U2AF1L4: variants seen among roughly 807,000 people sequenced by gnomAD.
U2AF1L4 encodes the protein U2 small nuclear RNA auxiliary factor 1 like 4.
In U2AF1L4, 21 loss-of-function variants were observed where a neutral mutation model predicts 21.7. That is an observed-to-expected ratio of 0.97 (90% confidence interval 0.69 to 1.39). The LOEUF is 1.39. Among genes scored for constraint, U2AF1L4 ranks in the 40% most tolerant of loss-of-function variants. The pLI, the probability that U2AF1L4 is intolerant of heterozygous loss-of-function variation, is 0.00. For synonymous variants in U2AF1L4, 92 were observed against 89.7 expected, an observed-to-expected ratio of 1.03 and a Z score of -0.15; for missense variants, 259 against 245.7, an observed-to-expected ratio of 1.05 and a Z score of -0.36.
At chr19:35,744,611 T>C in intron 2 of U2AF1L4, 190 bp from the exon 3 acceptor site, 9 of 1,537,494 alleles carry the variant, frequency 5.9e-6, no homozygotes, top group Non-Finnish European at 7.8e-6. Flanking sequence ...CCCCCAGGCC[T>C]GGTCCCTTAC....
intron 2 of U2AF1L4, 26 bp downstream of exon 2, chr19:35,745,099 C>T (rs2293687): frequency 6.2e-7 from 1 of 1,607,198 alleles, no homozygotes; most frequent in African/African-American, 1.3e-5. Flanking sequence ...AGCCGTTAAC[C>T]CCCGAGGCTC....
intron 1 of U2AF1L4, 26 bp downstream of exon 1, chr19:35,745,322 A>G (rs1326809891): frequency 1.7e-5 from 27 of 1,550,612 alleles, no homozygotes; most frequent in Non-Finnish European, 2.0e-5. Flanking sequence ...ACCCCCCGAG[A>G]GTCCACTCCC....
At position 35,744,333 on chromosome 19, in the gene U2AF1L4, A is replaced by G. The variant is rs1340718507; in HGVS notation, c.221T>C (p.Val74Ala). Residue 74 changes from valine (V) to alanine (A), a missense_variant, in exon 3 of 6, where the codon GTC (valine) becomes GCC (alanine). By Grantham distance (64) the Val-to-Ala change is moderately conservative (BLOSUM62 0). Transcript: ENST00000378975. ...DNLGDHLVGN[V>A]YVKFRREEDG... Reference sequence around the variant, plus strand: ...GGGGGCAGCAAGCACCTTGACATAGACGTTGCCCACGAGGTGGTCCCCAAG... The same window carrying G: ...GGGGGCAGCAAGCACCTTGACATAGGCGTTGCCCACGAGGTGGTCCCCAAG... 1.2e-6 allele frequency: 2 copies of G among 1,613,924 alleles called. No individual in the cohort carries two copies. The highest frequency in any genetic ancestry group is 1.7e-6 in the Non-Finnish European group (2 of 1,180,014).
chr19:35,744,144 A>G lies in U2AF1L4; in HGVS notation c.233T>C (p.Phe78Ser), dbSNP rs1253751357. The change falls in exon 4 of 6, where the codon TTC (phenylalanine) becomes TCC (serine). Residue 78 changes from phenylalanine (F) to serine (S), a missense_variant and splice_region_variant. Physicochemically the swap from Phe to Ser is radical, Grantham distance 155. Coordinates refer to ENST00000378975, the MANE Select transcript of U2AF1L4 (RefSeq NM_001040425.3). ...DHLVGNVYVK[F>S]RREEDGERAV... ...CCGCTCTCCATCCTCCTCCCTCCGGAACTGCAGGAAATGTCAGTCAGGGTC... is the reference window on the plus strand; with the variant it reads ...CCGCTCTCCATCCTCCTCCCTCCGGGACTGCAGGAAATGTCAGTCAGGGTC... 1 of 1,613,550 alleles carries G rather than the reference A, an allele frequency of 6.2e-7. No individual in the cohort carries two copies. The highest frequency in any genetic ancestry group is 1.7e-5 in the Admixed American group (1 of 59,994).
At chr19:35,743,787 T>C (rs747229667) in intron 5 of U2AF1L4, 22 bp downstream of exon 5, 3 of 1,595,266 alleles carry the variant, frequency 1.9e-6, no homozygotes, top group Non-Finnish European at 2.6e-6. Flanking sequence ...TGAGGAGACA[T>C]AGCAGGCTGG....
intron 5 of U2AF1L4, 162 bp from the exon 6 acceptor site, chr19:35,742,965 G>A: frequency 1.4e-6 from 1 of 704,804 alleles, no homozygotes; most frequent in South Asian, 1.7e-5. Context: ...TCAGTGGCCA[G>A]TATCAGGGGT....
chr19:35,744,027 C>A lies in U2AF1L4; in HGVS notation c.350G>T (p.Arg117Leu), dbSNP rs746648207. 1 of 1,613,888 alleles carries A rather than the reference C, an allele frequency of 6.2e-7. No homozygotes were observed. Among genetic ancestry groups the A allele is most frequent in the Admixed American group, 1.7e-5 (1 of 60,022 alleles). ...PVTDFRESCC[R>L]QYEMGECTRG... Reference sequence around the variant, plus strand: ...ACTACCATACCCCATCTCATACTGGCGACAGCATGACTCCCGGAAGTCAGT... The same window carrying A: ...ACTACCATACCCCATCTCATACTGGAGACAGCATGACTCCCGGAAGTCAGT... Residue 117 changes from arginine to leucine, a missense_variant, in exon 4 of 6, where the codon CGC becomes CTC. Transcript: ENST00000378975.
intron 2 of U2AF1L4, chr19:35,744,696 C>T (rs952763911): frequency 6.5e-7 from 1 of 1,536,068 alleles, no homozygotes; most frequent in Admixed American, 2.0e-5. Flanking sequence ...CTATGGTCTG[C>T]ACAGAATTTA....
chr19:35,743,154 C>T (rs1403065354), intron 5 of U2AF1L4: 1 of 327,764 alleles, frequency 3.1e-6, no homozygotes, highest in African/African-American at 2.3e-5. Flanking sequence ...GGGTGGATTA[C>T]CTGAGGTCCG....
rs1266469651 is a variant in U2AF1L4 at position 35,744,071 on chromosome 19, G to A, written c.306C>T (p.His102=). 5.0e-6 allele frequency: 8 copies of A among 1,614,012 alleles called. No homozygotes were observed. The South Asian group carries it at 6.6e-5, about 13-fold the overall frequency. Reference sequence around the variant, plus strand: ...AGTCAGTGACAGGAGACAGCTCACCGTGCACAGCCTGCCCGTTGAACCAGC... The same window carrying A: ...AGTCAGTGACAGGAGACAGCTCACCATGCACAGCCTGCCCGTTGAACCAGC... ...SNRWFNGQAV[H]GELSPVTDFR... is the part of the protein sequence containing the mutation. The change falls in exon 4 of 6, where the codon CAC becomes CAT. Residue 102 remains histidine, a synonymous_variant. Coordinates refer to ENST00000378975, the MANE Select transcript of U2AF1L4 (RefSeq NM_001040425.3).
At chr19:35,743,106 TTCACGC>T in intron 5 of U2AF1L4, 1 of 433,786 alleles carries the variant, frequency 2.3e-6, no homozygotes, top group South Asian at 2.6e-5. Context: ...GGCGCAGTGG[TTCACGC>T]CTGTAATCCC....
Position 35,744,314 on chromosome 19 carries a change from A to G in U2AF1L4, c.231+9T>C, listed in dbSNP as rs1263326059. The G allele has an allele frequency of 1.9e-6, 3 of 1,613,902 alleles. No homozygotes were observed. In the African/African-American group the frequency reaches 4.0e-5, roughly 22 times the overall value. ...CACTTCTGGGCCCTAAGTGGGGGGC[A>G]GCAAGCACCTTGACATAGACGTTGC... On this transcript the variant is annotated intron_variant, in intron 3 of 5. Coordinates refer to ENST00000378975, the MANE Select transcript of U2AF1L4 (RefSeq NM_001040425.3).
At chr19:35,742,969 C>T in intron 5 of U2AF1L4, 166 bp from the exon 6 acceptor site, 1 of 689,386 alleles carries the variant, frequency 1.5e-6, no homozygotes, top group South Asian at 1.7e-5. Context: ...TGGCCAGTAT[C>T]AGGGGTGGCA....
At chr19:35,744,302 T>A in intron 3 of U2AF1L4, 21 bp downstream of exon 3, 1 of 1,612,978 alleles carries the variant, frequency 6.2e-7, no homozygotes, top group Non-Finnish European at 8.5e-7. Flanking sequence ...TTCTGGGCCC[T>A]AAGTGGGGGG....
rs1448544553 is a variant in U2AF1L4 at position 35,742,806 on chromosome 19, G to C, written c.462-3C>G. 1 of 1,609,378 alleles carries C rather than the reference G, an allele frequency of 6.2e-7. No individual in the cohort carries two copies. Among genetic ancestry groups the C allele is most frequent in the African/African-American group, 1.3e-5 (1 of 74,812 alleles). On this transcript the variant is annotated splice_polypyrimidine_tract_variant and splice_region_variant and intron_variant, in intron 5 of 5. Coordinates refer to ENST00000378975, the MANE Select transcript of U2AF1L4 (RefSeq NM_001040425.3). ...CAGTATGGAACCTCGGGGGTGACCT[G>C]GGAATAGGAGCGTTGAGAGTTCTGT...
At chr19:35,744,795 T>C in intron 2 of U2AF1L4, 1 of 1,360,296 alleles carries the variant, frequency 7.4e-7, no homozygotes, top group African/African-American at 1.4e-5. Flanking sequence ...CACCCCAGCC[T>C]AAGCATCATG....
chr19:35,744,604 C>T (rs1443844408), intron 2 of U2AF1L4, 183 bp from the exon 3 acceptor site: 11 of 1,538,120 alleles, frequency 7.2e-6, no homozygotes, highest in African/African-American at 1.4e-5. Context: ...CACCTTGCCC[C>T]CAGGCCTGGT....
rs139492953 is a variant in U2AF1L4 at position 35,743,826 on chromosome 19, C to A, written c.444G>T (p.Gly148=). ...ISQNLQRQLY[G]RGPRRRSPPR... ...TGAGGTACCTGCGCCTGGGTCCCCG[C>A]CCATAGAGCTGCCTCTGGAGGTTCT... Residue 148 remains glycine (G), a synonymous_variant, in exon 5 of 6, where the codon GGG becomes GGT. Coordinates refer to ENST00000378975, the MANE Select transcript of U2AF1L4 (RefSeq NM_001040425.3). 1,328 of 1,612,234 alleles carry A rather than the reference C, an allele frequency of 8.2e-4. 4 individuals are homozygous for A. In the Middle Eastern group the frequency reaches 8.6e-3, roughly 10 times the overall value.
chr19:35,743,650 G>A lies in U2AF1L4; in HGVS notation c.461+159C>T, dbSNP rs1048230790. On this transcript the variant is annotated intron_variant, in intron 5 of 5. Coordinates refer to ENST00000378975, the MANE Select transcript of U2AF1L4 (RefSeq NM_001040425.3). ...TGCCATGAACCAAGATGGTGCCAAT[G>A]CACTCCAGCCTGGGCAACAGAGTGA... 15 of 700,004 alleles carry A rather than the reference G, an allele frequency of 2.1e-5. No individual in the cohort carries two copies. The African/African-American group carries it at 2.7e-4, about 13-fold the overall frequency. The allele number at this position is 700,004 out of a possible 1,614,324, so 43.4% of individuals were successfully genotyped here.
Sources: gnomAD v4.1 joint callset for allele counts on GRCh38, gnomAD v4.1.1 for gene constraint, MANE v1.5 for transcripts, NCBI Gene and HGNC (gene_info 2026-07-23, HGNC 2026-07-21) for gene names.